EGFLAM: variants seen among roughly 807,000 people sequenced by gnomAD.
EGFLAM encodes the protein pikachurin.
EGFLAM carries 79 observed loss-of-function variants against 113.1 expected under a neutral mutation model. The ratio of observed to expected loss-of-function variants is 0.70; its 90% CI spans 0.58 to 0.84. The LOEUF (loss-of-function observed/expected upper bound fraction) is 0.84. EGFLAM is among the 40% of genes least tolerant of loss of function. The pLI is 0.00. For synonymous variants in EGFLAM, 504 were observed against 487.6 expected (o/e 1.03, Z -0.44); for missense variants, 1,265 against 1,291.6 (o/e 0.98, Z 0.32).
At chr5:38,279,761 T>C (rs1412748900) in intron 1 of EGFLAM, among the ~76,000 whole-genome samples, 2 of 152,130 alleles carry the variant, frequency 1.3e-5, no homozygotes, top group Non-Finnish European at 2.9e-5. Flanking sequence ...AAAGGATACG[T>C]AACTACAATT....
chr5:38,410,265 T>G (rs899651106), intron 10 of EGFLAM, among the ~76,000 whole-genome samples: 4 of 152,214 alleles, frequency 2.6e-5, no homozygotes, highest in Non-Finnish European at 5.9e-5. Context: ...CTAAATGATT[T>G]GATTCACAGA....
At chr5:38,302,440 C>G (rs953247814) in intron 1 of EGFLAM, among the ~76,000 whole-genome samples, 5 of 152,196 alleles carry the variant, frequency 3.3e-5, no homozygotes, top group African/African-American at 1.2e-4. Context: ...ATTTTCTTAA[C>G]TGCATTATGG....
chr5:38,258,698 A>G lies in EGFLAM; in HGVS notation c.-57A>G, dbSNP rs866303671. On this transcript the variant is annotated 5_prime_UTR_variant, in exon 1 of 22. Coordinates refer to ENST00000322350, the MANE Select transcript of EGFLAM (RefSeq NM_152403.4). ...CCGCGTCCCCCACGCGCCCCCGGAG[A>G]CGCCCTTTCCGTGTGCGCCCGGGAC... The G allele has an allele frequency of 2.4e-5, 38 of 1,555,050 alleles. No homozygotes were observed. The African/African-American group carries it at 3.7e-4, about 15-fold the overall frequency.
In EGFLAM at chr5:38,435,230, C is replaced by G; in HGVS notation, c.2260C>G (p.Pro754Ala). ...GAAGAAGAACTCGGGTGTCCTGAAG[C>G]CTTTCAGCGGGAGCATCCAGAAGGT... Reference protein sequence around the residue: ...DVKKNSGVLKPFSGSIQKIIL... With the variant: ...DVKKNSGVLKAFSGSIQKIIL... The change falls in exon 16 of 22, where the codon CCT (proline) becomes GCT (alanine). Residue 754 changes from proline (P) to alanine (A), a missense_variant. Transcript: ENST00000322350. The G allele has an allele frequency of 6.2e-7, 1 of 1,614,068 alleles. No individual in the cohort carries two copies. The highest frequency in any genetic ancestry group is 8.5e-7 in the Non-Finnish European group (1 of 1,179,972).
intron 1 of EGFLAM, among the ~76,000 whole-genome samples, chr5:38,273,025 CTT>C (rs1362682958): frequency 6.6e-6 from 1 of 152,126 alleles, no homozygotes; most frequent in Non-Finnish European, 1.5e-5. Flanking sequence ...CATGAAAATA[CTT>C]CACAAGAGCT....
At chr5:38,435,958 C>T (rs889732366) in intron 16 of EGFLAM, among the ~76,000 whole-genome samples, 1 of 151,966 alleles carries the variant, frequency 6.6e-6, no homozygotes. Context: ...GCTGGGATTA[C>T]AGGTGCCTGC....
intron 5 of EGFLAM, among the ~76,000 whole-genome samples, chr5:38,354,207 C>T (rs542201065): frequency 5.3e-5 from 8 of 152,036 alleles, no homozygotes; most frequent in East Asian, 3.9e-4. Context: ...AGATAATCTA[C>T]GCCCCTGCCA....
chr5:38,328,252 G>GA (rs1414811519), intron 1 of EGFLAM, among the ~76,000 whole-genome samples: 4 of 152,108 alleles, frequency 2.6e-5, no homozygotes. Context: ...TTTTATTAAA[G>GA]AACCAGATCT....
chr5:38,285,273 A>G (rs942133127), intron 1 of EGFLAM, among the ~76,000 whole-genome samples: 4 of 152,202 alleles, frequency 2.6e-5, no homozygotes, highest in African/African-American at 9.7e-5. Context: ...AGTTGCAGCA[A>G]TTGTTTTTCA....
chr5:38,407,049 TCTCTG>T lies in EGFLAM; in HGVS notation c.1058_1062del (p.Ser353Ter). On this transcript the variant is annotated frameshift_variant, in exon 8 of 22. Coordinates refer to ENST00000322350, the MANE Select transcript of EGFLAM (RefSeq NM_152403.4). LOFTEE classifies it high-confidence loss of function. ...TCTTTGACATGCCTTGTGATGAAAC[TCTCTG>T]CTCTGCTGACAGCTTCTGTGTCAAT... 1.9e-6 allele frequency: 3 copies of T among 1,614,158 alleles called. No individual in the cohort carries two copies. The South Asian group carries it at 3.3e-5, about 18-fold the overall frequency.
At chr5:38,435,081 C>G in intron 15 of EGFLAM, 56 bp from the exon 16 acceptor site, 2 of 1,465,084 alleles carry the variant, frequency 1.4e-6, no homozygotes, top group African/African-American at 1.4e-5. Flanking sequence ...CACATTTGAT[C>G]ATTTTGAACA....
intron 17 of EGFLAM, among the ~76,000 whole-genome samples, chr5:38,440,893 G>A (rs1308966341): frequency 6.6e-6 from 1 of 152,174 alleles, no homozygotes; most frequent in Non-Finnish European, 1.5e-5. Context: ...GTCTTTTTCA[G>A]CCTCATCAGA....
At chr5:38,346,197 A>G (rs1373234321) in intron 3 of EGFLAM, among the ~76,000 whole-genome samples, 1 of 152,224 alleles carries the variant, frequency 6.6e-6, no homozygotes, top group Non-Finnish European at 1.5e-5. Context: ...GGAACTACAA[A>G]TACGATTTTG....
At chr5:38,316,336 C>G (rs888567085) in intron 1 of EGFLAM, among the ~76,000 whole-genome samples, 1 of 152,050 alleles carries the variant, frequency 6.6e-6, no homozygotes, top group Non-Finnish European at 1.5e-5. Flanking sequence ...TCCATCCTAA[C>G]CAGATGCAAA....
intron 12 of EGFLAM, among the ~76,000 whole-genome samples, chr5:38,423,836 G>C (rs1741913983): frequency 6.6e-6 from 1 of 152,136 alleles, no homozygotes; most frequent in Non-Finnish European, 1.5e-5. Flanking sequence ...CTCCTCTCCT[G>C]GGTCTAACCT....
chr5:38,277,758 G>C (rs1366767024), intron 1 of EGFLAM, among the ~76,000 whole-genome samples: 1 of 125,406 alleles, frequency 8.0e-6, no homozygotes, highest in Non-Finnish European at 1.8e-5. Context: ...CTAGCAAACT[G>C]TCTGAAAAAG....
intron 19 of EGFLAM, among the ~76,000 whole-genome samples, chr5:38,458,052 G>A (rs72742514): frequency 1.3e-4 from 20 of 152,052 alleles, no homozygotes; most frequent in East Asian, 5.8e-4. Context: ...TTAATGCTGC[G>A]GCACTGTATG....
chr5:38,406,235 T>C lies in EGFLAM; in HGVS notation c.822T>C (p.Phe274=). ...ACGACTTAGATTTGGATATTTCCTT[T>C]GAGGAGGTAACAATAATCTCTGCTC... The part of the protein sequence containing the change: ...FEDDLDLDIS[F]EEVKPLPATK... Residue 274 remains phenylalanine, a synonymous_variant, in exon 7 of 22, where the codon TTT becomes TTC. Transcript: ENST00000322350. 6.2e-7 allele frequency: 1 copy of C among 1,613,894 alleles called. No homozygotes were observed. Among genetic ancestry groups the C allele is most frequent in the South Asian group, 1.1e-5 (1 of 91,058 alleles).
At chr5:38,460,442 C>T (rs73077423) in intron 20 of EGFLAM, among the ~76,000 whole-genome samples, 18 of 152,298 alleles carry the variant, frequency 1.2e-4, no homozygotes, top group Admixed American at 4.6e-4. Context: ...TTCCATCCTA[C>T]CCCATGATGA....
Sources: gnomAD v4.1 joint callset for allele counts (sites outside exome capture counted in the v4.1 genomes callset) on GRCh38, gnomAD v4.1.1 for gene constraint, MANE v1.5 for transcripts, NCBI Gene and HGNC (gene_info 2026-07-23, HGNC 2026-07-21) for gene names.